Variants in SAMD3 observed in about 807,000 individuals in gnomAD.
SAMD3 encodes the protein sterile alpha motif domain-containing protein 3.
SAMD3 carries 63 observed loss-of-function variants against 58.5 expected under a neutral mutation model. The ratio of observed to expected loss-of-function variants is 1.08; its 90% CI spans 0.88 to 1.33. The LOEUF is 1.33. Ranked by LOEUF, SAMD3 falls within the 40% of genes most tolerant of loss-of-function variation. The pLI is 0.00. For synonymous variants in SAMD3, 220 were observed against 210.3 expected, an observed-to-expected ratio of 1.05 and a Z score of -0.40; for missense variants, 604 against 608.4, an observed-to-expected ratio of 0.99 and a Z score of 0.08.
chr6:130,170,300 T>G (rs1310535739), intron 8 of SAMD3, among the ~76,000 whole-genome samples: 1 of 152,248 alleles, frequency 6.6e-6, no homozygotes, highest in Non-Finnish European at 1.5e-5. Context: ...GTGGTGTGTT[T>G]GGTTTCCTGT....
chr6:130,214,342 A>G lies in SAMD3; in HGVS notation c.264T>C (p.Ala88=), dbSNP rs1795843000. The change falls in exon 4 of 12, where the codon GCT becomes GCC. Residue 88 remains alanine (A), a synonymous_variant. Transcript: ENST00000439090. ...CCATTTATGAACATACTCACTCTCGAGCTGCTTCTGTTTGCATGACCAGGG... is the reference window on the plus strand; with the variant it reads ...CCATTTATGAACATACTCACTCTCGGGCTGCTTCTGTTTGCATGACCAGGG... ...KAALVMQTEA[A]RDYRDEESSS... is the part of the protein sequence containing the mutation. 6.3e-7 allele frequency: 1 copy of G among 1,588,994 alleles called. No individual in the cohort carries two copies. Among genetic ancestry groups the G allele is most frequent in the Non-Finnish European group, 8.5e-7 (1 of 1,170,262 alleles).
chr6:130,224,267 A>G (rs372331391), upstream of SAMD3, among the ~76,000 whole-genome samples: 7 of 152,088 alleles, frequency 4.6e-5, no homozygotes, highest in East Asian at 7.7e-4. Context: ...TTATAGGCAG[A>G]GGATGGGGGT....
intron 1 of SAMD3, among the ~76,000 whole-genome samples, chr6:130,342,111 G>A (rs73607690): frequency 0.013 from 2,010 of 152,258 alleles, 39 homozygotes; most frequent in African/African-American, 0.046. Context: ...CTATGAGCAT[G>A]GGACAAAATT....
intron 5 of SAMD3, among the ~76,000 whole-genome samples, chr6:130,197,335 A>G (rs1444353053): frequency 2.6e-5 from 4 of 152,194 alleles, no homozygotes; most frequent in African/African-American, 9.7e-5. Context: ...TCTTGTTTAC[A>G]CTGCCGGTTT....
chr6:130,205,544 T>A (rs530640365), intron 5 of SAMD3, among the ~76,000 whole-genome samples: 1 of 151,852 alleles, frequency 6.6e-6, no homozygotes, highest in East Asian at 1.9e-4. Context: ...CCTCAGGTGA[T>A]CCACCCACCT....
chr6:130,287,005 T>C (rs1380599048), intron 2 of SAMD3, among the ~76,000 whole-genome samples: 3 of 152,342 alleles, frequency 2.0e-5, no homozygotes, highest in Non-Finnish European at 4.4e-5. Flanking sequence ...CCACTGTGCC[T>C]AGCCTTGTTC....
chr6:130,347,742 C>A (rs954426359), intron 1 of SAMD3, among the ~76,000 whole-genome samples: 1 of 152,088 alleles, frequency 6.6e-6, no homozygotes. Flanking sequence ...CAAAGATACT[C>A]CTTGAAAATA....
chr6:130,319,343 T>G (rs1776503510), intron 1 of SAMD3, among the ~76,000 whole-genome samples: 1 of 152,028 alleles, frequency 6.6e-6, no homozygotes, highest in African/African-American at 2.4e-5. Flanking sequence ...CAAAGACACG[T>G]TATAATGAAA....
Position 130,215,554 on chromosome 6 carries a change from C to G in SAMD3, c.-21-260G>C, listed in dbSNP as rs1190127472. ...TTCACCTTCTCCTACTTTTTTTCCACAGGCATCTCTAAGCTTTACTAACAG... is the reference window on the plus strand; with the variant it reads ...TTCACCTTCTCCTACTTTTTTTCCAGAGGCATCTCTAAGCTTTACTAACAG... On this transcript the variant is annotated intron_variant, in intron 2 of 11. Transcript: ENST00000439090. 7.5e-6 allele frequency: 10 copies of G among 1,330,306 alleles called. No individual in the cohort carries two copies. The South Asian group carries it at 9.3e-5, about 12-fold the overall frequency. The allele number at this position is 1,330,306 out of a possible 1,614,324, so 82.4% of individuals were successfully genotyped here. A position where few individuals can be genotyped will look rare whatever the true frequency, so the allele number is the denominator to read the frequency against.
rs143725039 is a variant in SAMD3, at chr6:130,335,098, T to C, written c.-303-22005A>G. Reference sequence around the variant, plus strand: ...GTTAGGCTCCCAGCCGCTATTTTTCTCAAAGTTGGCTTTCCTATTCCCAAA... The same window carrying C: ...GTTAGGCTCCCAGCCGCTATTTTTCCCAAAGTTGGCTTTCCTATTCCCAAA... On this transcript the variant is annotated intron_variant, in intron 1 of 13. Transcript: ENST00000368134. 1.4e-3 allele frequency among the ~76,000 whole-genome samples: 211 copies of C among 152,346 alleles called. 2 individuals are homozygous for C. Among genetic ancestry groups the C allele is most frequent in the Admixed American group, 2.7e-3 (42 of 15,302 alleles).
At chr6:130,351,612 C>G (rs1194510046) in intron 1 of SAMD3, among the ~76,000 whole-genome samples, 1 of 152,188 alleles carries the variant, frequency 6.6e-6, no homozygotes, top group Non-Finnish European at 1.5e-5. Context: ...AATAGGAACA[C>G]TTTTACACTG....
chr6:130,253,155 C>T (rs1240319666), intron 2 of SAMD3, among the ~76,000 whole-genome samples: 1 of 152,224 alleles, frequency 6.6e-6, no homozygotes, highest in Non-Finnish European at 1.5e-5. Context: ...AACTTCACTA[C>T]TTCCAGCACA....
intron 1 of SAMD3, among the ~76,000 whole-genome samples, chr6:130,347,908 G>C (rs533668682): frequency 6.6e-6 from 1 of 152,208 alleles, no homozygotes; most frequent in African/African-American, 2.4e-5. Context: ...CCAGAAGAGA[G>C]TGGGGGCCAA....
At chr6:130,222,612 A>C (rs536086654) in intron 1 of SAMD3, 82 bp downstream of exon 1, 1 of 152,362 alleles carries the variant, frequency 6.6e-6, no homozygotes, top group South Asian at 2.1e-4. Context: ...TGCCACTCTT[A>C]AATTTTTCTC....
chr6:130,154,818 A>C lies in SAMD3; in HGVS notation c.1023+7T>G. On this transcript the variant is annotated splice_region_variant and intron_variant, in intron 9 of 11. Transcript: ENST00000439090. ...TGTGTGTGTATATATATATAGAATA[A>C]AGATACCTGATAAGGGCACTTCAAG... 6.9e-6 allele frequency: 11 copies of C among 1,587,280 alleles called. No homozygotes were observed. The highest frequency in any genetic ancestry group is 9.5e-6 in the Non-Finnish European group (11 of 1,158,354).
chr6:130,335,787 G>A (rs1777081237), intron 1 of SAMD3, among the ~76,000 whole-genome samples: 2 of 152,032 alleles, frequency 1.3e-5, no homozygotes, highest in Admixed American at 6.6e-5. Context: ...ATGATAGACT[G>A]GATTAAGAAA....
At chr6:130,223,465 A>AT (rs1001223389), upstream of SAMD3, among the ~76,000 whole-genome samples, 18 of 151,680 alleles carry the variant, frequency 1.2e-4, no homozygotes, top group East Asian at 5.8e-4. Context: ...TATTACAACT[A>AT]TTTTTTTGGA....
chr6:130,187,375 A>T (rs1173956774), intron 5 of SAMD3, among the ~76,000 whole-genome samples: 4 of 152,024 alleles, frequency 2.6e-5, no homozygotes, highest in Non-Finnish European at 5.9e-5. Flanking sequence ...AACATCCACA[A>T]TGTAGCTAGA....
intron 2 of SAMD3, among the ~76,000 whole-genome samples, chr6:130,233,794 T>C (rs1043774295): frequency 2.0e-5 from 3 of 152,246 alleles, no homozygotes; most frequent in African/African-American, 7.2e-5. Flanking sequence ...ATTAATCTTA[T>C]GACACATTCT....
Sources: gnomAD v4.1 joint callset for allele counts (sites outside exome capture counted in the v4.1 genomes callset) on GRCh38, gnomAD v4.1.1 for gene constraint, MANE v1.5 for transcripts, NCBI Gene and HGNC (gene_info 2026-07-23, HGNC 2026-07-21) for gene names.